Variants in MYRIP observed in about 807,000 individuals in gnomAD.
MYRIP encodes the protein rab effector MyRIP.
A neutral mutation model predicts 98.0 loss-of-function variants in MYRIP; 49 were observed. The observed-to-expected ratio is 0.50, with a 90% CI of 0.40 to 0.63. MYRIP has a LOEUF of 0.63. Among genes scored for constraint, MYRIP ranks in the 30% least tolerant of loss-of-function variants. MYRIP has a pLI of 0.00. For synonymous variants in MYRIP, 404 were observed against 409.5 expected, an observed-to-expected ratio of 0.99 and a Z score of 0.16; for missense variants, 1,004 against 1,058.2, an observed-to-expected ratio of 0.95 and a Z score of 0.71.
At chr3:40,177,247 AGGGTCTTGATGCAAG>A (rs1406473505) in intron 8 of MYRIP, among the ~76,000 whole-genome samples, 1 of 152,158 alleles carries the variant, frequency 6.6e-6, no homozygotes, top group African/African-American at 2.4e-5. Context: ...CCCTGCTTTA[AGGGTCTTGATGCAAG>A]GGGTCTGGAG....
rs1948474991 is a variant in MYRIP, at chr3:40,081,320, C to CCT, written c.332+37049_332+37050insCT. Among the ~76,000 whole-genome samples the CCT allele has an allele frequency of 2.0e-5, 3 of 152,156 alleles. No homozygotes were observed. The South Asian group carries it at 6.2e-4, about 32-fold the overall frequency. On this transcript the variant is annotated intron_variant, in intron 3 of 16. Coordinates refer to ENST00000302541, the MANE Select transcript of MYRIP (RefSeq NM_015460.4). The stretch of plus-strand genomic sequence containing the variant: ...TTTTGACTGCTTGTTATATCAATTA[C>CCT]TGAAAAAGGCATTTCAAAATCTACC...
chr3:40,222,867 T>G (rs1183766066), intron 11 of MYRIP, among the ~76,000 whole-genome samples: 1 of 152,214 alleles, frequency 6.6e-6, no homozygotes, highest in African/African-American at 2.4e-5. Context: ...ACCAGATCTA[T>G]TCATAAATCT....
chr3:39,825,981 A>G (rs2125578441), intron 1 of MYRIP, among the ~76,000 whole-genome samples: 1 of 152,204 alleles, frequency 6.6e-6, no homozygotes, highest in East Asian at 1.9e-4. Flanking sequence ...AGTTGTTTAT[A>G]ATAGTCTCTC....
At chr3:40,063,864 A>G (rs527796543) in intron 3 of MYRIP, among the ~76,000 whole-genome samples, 4 of 152,298 alleles carry the variant, frequency 2.6e-5, no homozygotes, top group South Asian at 4.1e-4. Context: ...GTGGAGGAGT[A>G]AAGAGTGCTC....
intron 3 of MYRIP, among the ~76,000 whole-genome samples, chr3:40,047,310 A>G (rs1164730924): frequency 6.6e-6 from 1 of 152,224 alleles, no homozygotes. Flanking sequence ...ATCTTGCATC[A>G]TGTTCGTGTT....
chr3:39,916,562 C>T (rs150958743), intron 2 of MYRIP, among the ~76,000 whole-genome samples: 19 of 152,144 alleles, frequency 1.2e-4, no homozygotes, highest in African/African-American at 4.6e-4. Context: ...TATTGGCTAG[C>T]TCCAAAAAGA....
At chr3:39,966,129 C>T (rs1575420257) in intron 2 of MYRIP, among the ~76,000 whole-genome samples, 3 of 152,268 alleles carry the variant, frequency 2.0e-5, no homozygotes, top group Admixed American at 2.0e-4. Context: ...TCTGTCTTCT[C>T]TCTTGCCTCT....
intron 3 of MYRIP, among the ~76,000 whole-genome samples, chr3:40,123,939 G>T (rs1192588750): frequency 6.6e-6 from 1 of 152,176 alleles, no homozygotes; most frequent in Non-Finnish European, 1.5e-5. Context: ...ATCAAGAAAG[G>T]GGGAGAACTG....
intron 1 of MYRIP, among the ~76,000 whole-genome samples, chr3:39,834,505 AAAAG>A (rs1185865205): frequency 2.6e-5 from 4 of 152,200 alleles, no homozygotes; most frequent in African/African-American, 4.8e-5. Flanking sequence ...TTAAAATAAA[AAAAG>A]AAAGAATCTA....
chr3:40,230,072 T>C (rs1288061030), intron 11 of MYRIP, among the ~76,000 whole-genome samples: 3 of 152,218 alleles, frequency 2.0e-5, no homozygotes, highest in Non-Finnish European at 4.4e-5. Context: ...CTGGGTCCCT[T>C]AGCTGCAAGT....
chr3:40,008,917 C>T (rs372009653), intron 2 of MYRIP, among the ~76,000 whole-genome samples: 2 of 152,172 alleles, frequency 1.3e-5, no homozygotes, highest in East Asian at 1.9e-4. Context: ...GCAGGTGCAC[C>T]ACTGAGTCCG....
intron 2 of MYRIP, among the ~76,000 whole-genome samples, chr3:39,978,872 C>G (rs1347115541): frequency 6.6e-6 from 1 of 150,984 alleles, no homozygotes; most frequent in Non-Finnish European, 1.5e-5. Flanking sequence ...GATCTCCAGT[C>G]TCCTTTATGT....
chr3:39,983,625 C>G (rs963868150), intron 2 of MYRIP, among the ~76,000 whole-genome samples: 1 of 152,120 alleles, frequency 6.6e-6, no homozygotes, highest in African/African-American at 2.4e-5. Flanking sequence ...GCCACACAGA[C>G]AAAGCCTCTG....
chr3:39,938,762 C>T (rs1007238041), intron 2 of MYRIP, among the ~76,000 whole-genome samples: 5 of 152,142 alleles, frequency 3.3e-5, no homozygotes, highest in Admixed American at 1.3e-4. Flanking sequence ...GCCTCAAACT[C>T]CCAGAGTGCT....
At chr3:40,008,564 T>C (rs1387530845) in intron 2 of MYRIP, among the ~76,000 whole-genome samples, 1 of 152,174 alleles carries the variant, frequency 6.6e-6, no homozygotes, top group Non-Finnish European at 1.5e-5. Context: ...GCAGTCACTC[T>C]GTGATTCCAG....
intron 2 of MYRIP, among the ~76,000 whole-genome samples, chr3:39,922,896 C>G (rs1043396519): frequency 1.3e-5 from 2 of 152,098 alleles, no homozygotes; most frequent in African/African-American, 4.8e-5. Context: ...ATGGAATTAT[C>G]AGGCAAAGAT....
At chr3:39,877,616 T>G (rs1426052854) in intron 1 of MYRIP, among the ~76,000 whole-genome samples, 45 of 152,270 alleles carry the variant, frequency 3.0e-4, no homozygotes, top group Non-Finnish European at 5.3e-4. Context: ...ACTCCAGACC[T>G]TGTTTGCCTG....
In MYRIP at chr3:40,190,400, A is replaced by G; in HGVS notation, c.1602A>G (p.Ser534=). 1 of 1,613,212 alleles carries G rather than the reference A, an allele frequency of 6.2e-7. No homozygotes were observed. Among genetic ancestry groups the G allele is most frequent in the South Asian group, 1.1e-5 (1 of 91,014 alleles). The change falls in exon 10 of 17, where the codon TCA becomes TCG. Residue 534 remains serine (S), a synonymous_variant. Coordinates refer to ENST00000302541, the MANE Select transcript of MYRIP (RefSeq NM_015460.4). ...GGTGGAGAAGAGCCCGACTGGGCTC[A>G]GAAGAGCCAAGCAAAGAACCATCTT... ...ARRWRRARLG[S]EEPSKEPSSP... is the part of the protein sequence containing the mutation.
At chr3:39,851,922 T>G (rs1421931695) in intron 1 of MYRIP, among the ~76,000 whole-genome samples, 1 of 152,114 alleles carries the variant, frequency 6.6e-6, no homozygotes, top group Non-Finnish European at 1.5e-5. Context: ...AGGCTTCTCC[T>G]GCATTGCAGT....
Sources: allele counts gnomAD v4.1 joint callset (sites outside exome capture counted in the v4.1 genomes callset), GRCh38; gene constraint gnomAD v4.1.1; transcripts MANE v1.5; gene names NCBI Gene and HGNC (gene_info 2026-07-23, HGNC 2026-07-21).